KIAA0232: variants seen among roughly 807,000 people sequenced by gnomAD.
The protein encoded by KIAA0232 is KIAA0232, also known as uncharacterized protein KIAA0232.
A neutral mutation model predicts 122.0 loss-of-function variants in KIAA0232; 27 were observed. The ratio of observed to expected loss-of-function variants is 0.22; its 90% CI spans 0.16 to 0.31. The LOEUF (loss-of-function observed/expected upper bound fraction) is 0.31. Among genes scored for constraint, KIAA0232 ranks in the 10% least tolerant of loss-of-function variants. KIAA0232 has a pLI of 1.00. For missense variants in KIAA0232, 1,551 were observed against 1,634.2 expected, an observed-to-expected ratio of 0.95 and a Z score of 0.88; for synonymous variants, 613 against 587.6, an observed-to-expected ratio of 1.04 and a Z score of -0.63.
chr4:6,877,457 G>A (rs1306666630), intron 9 of KIAA0232, among the ~76,000 whole-genome samples: 1 of 152,142 alleles, frequency 6.6e-6, no homozygotes, highest in Non-Finnish European at 1.5e-5. Flanking sequence ...GTTCTCCAGA[G>A]GGACAGAACT....
At chr4:6,796,241 ATTG>A (rs1183001629) in intron 1 of KIAA0232, among the ~76,000 whole-genome samples, 1 of 151,584 alleles carries the variant, frequency 6.6e-6, no homozygotes, top group Admixed American at 6.6e-5. Context: ...CCTTCCCTAT[ATTG>A]TTCTTTTTTT....
At chr4:6,868,509 T>G (rs953927720) in intron 7 of KIAA0232, among the ~76,000 whole-genome samples, 2 of 152,092 alleles carry the variant, frequency 1.3e-5, no homozygotes, top group Non-Finnish European at 2.9e-5. Flanking sequence ...ATGGGCGGTG[T>G]GAGAGCAGGC....
At chr4:6,812,371 A>T (rs1000365396) in intron 2 of KIAA0232, among the ~76,000 whole-genome samples, 1 of 152,170 alleles carries the variant, frequency 6.6e-6, no homozygotes, top group Non-Finnish European at 1.5e-5. Context: ...GCCACATGTG[A>T]CTAGTGGCTA....
At chr4:6,809,535 C>T (rs1717782043) in intron 2 of KIAA0232, among the ~76,000 whole-genome samples, 1 of 152,064 alleles carries the variant, frequency 6.6e-6, no homozygotes, top group Non-Finnish European at 1.5e-5. Context: ...AGGATGAACA[C>T]ATAGTATGAG....
At chr4:6,850,919 C>T (rs764293640) in intron 4 of KIAA0232, among the ~76,000 whole-genome samples, 1 of 152,144 alleles carries the variant, frequency 6.6e-6, no homozygotes, top group East Asian at 1.9e-4. Flanking sequence ...CCGCCCACCT[C>T]GGCCTCCCAA....
At chr4:6,839,818 CAGGT>C (rs1368434106) in intron 3 of KIAA0232, among the ~76,000 whole-genome samples, 1 of 151,948 alleles carries the variant, frequency 6.6e-6, no homozygotes, top group African/African-American at 2.4e-5. Context: ...AGTGGGCAGA[CAGGT>C]AGGTCAGTGA....
At chr4:6,841,998 T>C in intron 3 of KIAA0232, 69 bp from the exon 4 acceptor site, 1 of 1,550,844 alleles carries the variant, frequency 6.4e-7, no homozygotes, top group Non-Finnish European at 8.7e-7. Context: ...ACTGAGTGTG[T>C]GTGGTAGGTG....
Position 6,851,722 on chromosome 4 carries a change from T to TAAA in KIAA0232, c.370-5424_370-5422dup, listed in dbSNP as rs74937263. Among the ~76,000 whole-genome samples the TAAA allele has an allele frequency of 1.8e-3, 177 of 97,216 alleles. 4 individuals carry two copies. Among genetic ancestry groups the TAAA allele is most frequent in the Middle Eastern group, 5.4e-3 (1 of 186 alleles). The allele number at this position is 97,216 out of a possible 152,430, so 63.8% of individuals were successfully genotyped here. A position where few individuals can be genotyped will look rare whatever the true frequency, so the allele number is the denominator to read the frequency against. On this transcript the variant is annotated intron_variant, in intron 4 of 9. Transcript: ENST00000307659. ...CAGAGCAAGATCCTATCTCAAAAAT[T>TAAA]AAAAAAAAAAAAAAAAAAAAGCGGG...
rs1410954206 is a variant in KIAA0232 at position 6,881,311 on chromosome 4, T to G, written c.*345T>G. The stretch of plus-strand genomic sequence containing the variant: ...CGACTGCGGTTATATCACTATGACC[T>G]TACTAGCATTGCAGTGTCAACAACC... On this transcript the variant is annotated 3_prime_UTR_variant, in exon 10 of 10. Transcript: ENST00000307659. 6.0e-6 allele frequency: 1 copy of G among 165,420 alleles called. No individual in the cohort carries two copies. The highest frequency in any genetic ancestry group is 1.3e-5 in the Non-Finnish European group (1 of 77,072). The allele number at this position is 165,420 out of a possible 1,614,324, so 10.2% of individuals were successfully genotyped here.
At chr4:6,826,189 A>G (rs1718674941) in intron 3 of KIAA0232, among the ~76,000 whole-genome samples, 1 of 152,210 alleles carries the variant, frequency 6.6e-6, no homozygotes. Flanking sequence ...GTCTAGCTGG[A>G]CACAGCGGCA....
intron 4 of KIAA0232, among the ~76,000 whole-genome samples, chr4:6,851,722 T>TAAAAA (rs74937263): frequency 9.3e-5 from 9 of 97,214 alleles, no homozygotes; most frequent in Non-Finnish European, 1.6e-4. Context: ...TCTCAAAAAT[T>TAAAAA]AAAAAAAAAA....
intron 4 of KIAA0232, among the ~76,000 whole-genome samples, chr4:6,852,858 A>G (rs1239613247): frequency 6.6e-6 from 1 of 152,162 alleles, no homozygotes; most frequent in Non-Finnish European, 1.5e-5. Flanking sequence ...GATGGAGAAC[A>G]CTCAGAAGGT....
intron 1 of KIAA0232, among the ~76,000 whole-genome samples, chr4:6,787,920 G>A (rs1211687138): frequency 6.6e-6 from 1 of 152,140 alleles, no homozygotes; most frequent in East Asian, 1.9e-4. Context: ...CCTTGGAAGT[G>A]CTACCACACT....
chr4:6,791,717 A>T (rs373962488), intron 1 of KIAA0232, among the ~76,000 whole-genome samples: 1 of 152,276 alleles, frequency 6.6e-6, no homozygotes, highest in South Asian at 2.1e-4. Flanking sequence ...ACCACAGATA[A>T]ATTTTAAAAA....
intron 3 of KIAA0232, among the ~76,000 whole-genome samples, chr4:6,837,468 G>A (rs939983021): frequency 6.6e-6 from 1 of 151,904 alleles, no homozygotes; most frequent in South Asian, 2.1e-4. Flanking sequence ...CATCCCAGAC[G>A]ATGGGCGGCT....
At chr4:6,793,242 C>T (rs370280068) in intron 1 of KIAA0232, among the ~76,000 whole-genome samples, 5 of 152,068 alleles carry the variant, frequency 3.3e-5, no homozygotes, top group African/African-American at 1.2e-4. Context: ...TGTATATAAA[C>T]AACATTGCAT....
chr4:6,819,951 A>G (rs1239250005), intron 2 of KIAA0232, among the ~76,000 whole-genome samples: 2 of 152,218 alleles, frequency 1.3e-5, no homozygotes, highest in African/African-American at 4.8e-5. Context: ...CTTTGCAGCA[A>G]CGTGGATGCA....
At chr4:6,843,937 T>G (rs1719806629) in intron 4 of KIAA0232, among the ~76,000 whole-genome samples, 1 of 104,952 alleles carries the variant, frequency 9.5e-6, no homozygotes, top group African/African-American at 4.8e-5. Context: ...CTTTTTTTTT[T>G]TTTTTTTTTT....
At chr4:6,812,689 A>G (rs1717932770) in intron 2 of KIAA0232, among the ~76,000 whole-genome samples, 1 of 152,184 alleles carries the variant, frequency 6.6e-6, no homozygotes, top group African/African-American at 2.4e-5. Context: ...TGTGGTACTA[A>G]TATATATCGG....
Sources: gnomAD v4.1 joint callset for allele counts (sites outside exome capture counted in the v4.1 genomes callset) on GRCh38, gnomAD v4.1.1 for gene constraint, MANE v1.5 for transcripts, NCBI Gene and HGNC (gene_info 2026-07-23, HGNC 2026-07-21) for gene names.